The following SULF1 variants were observed in gnomAD, a reference collection of about 807,000 sequenced individuals.
SULF1 encodes sulfatase 1, also known as extracellular sulfatase Sulf-1.
A neutral mutation model predicts 110.5 loss-of-function variants in SULF1; 46 were observed. The observed-to-expected ratio is 0.42, with a 90% CI of 0.33 to 0.53. The LOEUF (loss-of-function observed/expected upper bound fraction) is 0.53. Among genes scored for constraint, SULF1 ranks in the 20% least tolerant of loss-of-function variants. The pLI is 0.12. For synonymous variants in SULF1, 371 were observed against 387.1 expected (o/e 0.96, Z 0.49); for missense variants, 941 against 1,094.2 (o/e 0.86, Z 1.98).
At chr8:69,629,742 G>T in intron 19 of SULF1, 63 bp downstream of exon 19, 1 of 1,384,196 alleles carries the variant, frequency 7.2e-7, no homozygotes, top group South Asian at 1.4e-5. Flanking sequence ...TCATAACTTA[G>T]ATCAGAAATT....
At chr8:69,580,744 T>C (rs1806006079) in intron 6 of SULF1, among the ~76,000 whole-genome samples, 1 of 152,160 alleles carries the variant, frequency 6.6e-6, no homozygotes, top group Admixed American at 6.5e-5. Flanking sequence ...AGGGACAATA[T>C]TTAATAGACA....
intron 22 of SULF1, among the ~76,000 whole-genome samples, chr8:69,645,740 C>T (rs569742407): frequency 2.6e-5 from 4 of 152,040 alleles, no homozygotes; most frequent in Non-Finnish European, 4.4e-5. Flanking sequence ...TCATCAGTTC[C>T]GTGACAGTGC....
chr8:69,585,059 T>C (rs1806351479), intron 6 of SULF1, among the ~76,000 whole-genome samples: 1 of 152,182 alleles, frequency 6.6e-6, no homozygotes, highest in Admixed American at 6.5e-5. Context: ...AAGCCAGGCA[T>C]TGGCTTTGAC....
intron 13 of SULF1, among the ~76,000 whole-genome samples, chr8:69,616,964 G>A (rs1015910739): frequency 1.3e-5 from 2 of 151,982 alleles, no homozygotes; most frequent in East Asian, 1.9e-4. Context: ...GCTTCTCTAG[G>A]CATTAAGCAG....
At chr8:69,560,936 A>G (rs1415446116) in intron 3 of SULF1, among the ~76,000 whole-genome samples, 1 of 152,222 alleles carries the variant, frequency 6.6e-6, no homozygotes, top group Admixed American at 6.5e-5. Flanking sequence ...CACTTAATGT[A>G]TATCGTTGTA....
chr8:69,600,205 CTCATTAGCAATAAAATTT>C (rs1807682255), intron 8 of SULF1, among the ~76,000 whole-genome samples: 1 of 151,918 alleles, frequency 6.6e-6, no homozygotes, highest in African/African-American at 2.4e-5. Flanking sequence ...ATTTAATAGC[CTCATTAGCAATAAAATTT>C]TTATGAGTTA....
intron 22 of SULF1, among the ~76,000 whole-genome samples, chr8:69,641,802 A>G (rs1040695560): frequency 2.0e-5 from 3 of 152,086 alleles, no homozygotes; most frequent in African/African-American, 7.2e-5. Flanking sequence ...CACAGCACCA[A>G]GACAACACAC....
intron 1 of SULF1, among the ~76,000 whole-genome samples, chr8:69,484,436 G>T (rs1018644796): frequency 2.6e-5 from 4 of 152,140 alleles, no homozygotes; most frequent in African/African-American, 9.7e-5. Context: ...AATACTTAAA[G>T]ACAGGACCTA....
chr8:69,603,238 G>C lies in SULF1; in HGVS notation c.1108G>C (p.Asp370His), dbSNP rs1038387567. The change falls in exon 11 of 23, where the codon GAT (aspartate) becomes CAT (histidine). Residue 370 changes from aspartate (D) to histidine (H), a missense_variant. By Grantham distance (81) the Asp-to-His change is moderately conservative (BLOSUM62 -1). Around this residue, in one of 3 missense-constraint regions of SULF1, gnomAD observed 822 missense variants for 934.3 expected, o/e 0.88. Transcript: ENST00000402687. ...LNIDLAPTILDIAGLDTPPDV... is the reference protein window; with the variant it reads ...LNIDLAPTILHIAGLDTPPDV... ...CATTGACTTGGCCCCCACGATCCTGGATATTGCTGGGCTCGACACACCTCC... is the reference window on the plus strand; with the variant it reads ...CATTGACTTGGCCCCCACGATCCTGCATATTGCTGGGCTCGACACACCTCC... The C allele has an allele frequency of 6.2e-7, 1 of 1,614,090 alleles. No homozygotes were observed. Among genetic ancestry groups the C allele is most frequent in the Admixed American group, 1.7e-5 (1 of 60,010 alleles).
Position 69,660,605 on chromosome 8 carries a change from G to A in SULF1, c.*2070G>A, listed in dbSNP as rs1813041461. The A allele has an allele frequency of 6.6e-6, 1 of 152,478 alleles. No homozygotes were observed. Among genetic ancestry groups the A allele is most frequent in the South Asian group, 2.1e-4 (1 of 4,814 alleles). The allele number at this position is 152,478 out of a possible 1,614,324, so 9.4% of individuals were successfully genotyped here. On this transcript the variant is annotated 3_prime_UTR_variant, in exon 23 of 23. Coordinates refer to ENST00000402687, the MANE Select transcript of SULF1 (RefSeq NM_001128205.2). ...AATTATGTTTTCTTTAAGTGTTTATGGTAAACTCTTTTAAAGAAAATTTAA... is the reference window on the plus strand; with the variant it reads ...AATTATGTTTTCTTTAAGTGTTTATAGTAAACTCTTTTAAAGAAAATTTAA...
Position 69,500,892 on chromosome 8 carries a change from G to A in SULF1, c.-228-982G>A, listed in dbSNP as rs936601196. Reference sequence around the variant, plus strand: ...TCCTGCAGCACCAGGCCAGCTCCAAGGAGGCACTGCTGCAGCAATCTTGTG... The same window carrying A: ...TCCTGCAGCACCAGGCCAGCTCCAAAGAGGCACTGCTGCAGCAATCTTGTG... On this transcript the variant is annotated intron_variant, in intron 2 of 22. Coordinates refer to ENST00000402687, the MANE Select transcript of SULF1 (RefSeq NM_001128205.2). Among the ~76,000 whole-genome samples, 4 of 152,118 alleles carry A rather than the reference G, an allele frequency of 2.6e-5. No homozygotes were observed. In the East Asian group the frequency reaches 7.7e-4, roughly 29 times the overall value.
At chr8:69,502,521 G>A (rs1443236687) in intron 3 of SULF1, among the ~76,000 whole-genome samples, 3 of 152,084 alleles carry the variant, frequency 2.0e-5, no homozygotes, top group Non-Finnish European at 4.4e-5. Context: ...GTTCATATGA[G>A]GGTACAACCT....
chr8:69,620,664 G>A (rs1475309843), intron 13 of SULF1, among the ~76,000 whole-genome samples: 1 of 152,218 alleles, frequency 6.6e-6, no homozygotes, highest in Non-Finnish European at 1.5e-5. Context: ...CAGAGCAAGA[G>A]GGGTCTGGTG....
chr8:69,569,656 C>G (rs954793101), intron 5 of SULF1, among the ~76,000 whole-genome samples: 1 of 152,170 alleles, frequency 6.6e-6, no homozygotes, highest in Non-Finnish European at 1.5e-5. Flanking sequence ...TTTTCTTATA[C>G]CTGGCTGCCT....
intron 3 of SULF1, among the ~76,000 whole-genome samples, chr8:69,545,031 T>C (rs762550726): frequency 6.6e-6 from 1 of 151,880 alleles, no homozygotes; most frequent in Non-Finnish European, 1.5e-5. Context: ...GAGCAATTCA[T>C]GGCATAATAA....
intron 1 of SULF1, among the ~76,000 whole-genome samples, chr8:69,495,055 A>G (rs1304812929): frequency 1.3e-5 from 2 of 152,108 alleles, no homozygotes; most frequent in Admixed American, 1.3e-4. Context: ...AACTTTTATA[A>G]TATTAGTTTT....
At chr8:69,595,928 C>T (rs535118168) in intron 8 of SULF1, among the ~76,000 whole-genome samples, 1 of 152,160 alleles carries the variant, frequency 6.6e-6, no homozygotes, top group Admixed American at 6.5e-5. Flanking sequence ...GAAATACCCA[C>T]CTGTCAAAAA....
intron 22 of SULF1, among the ~76,000 whole-genome samples, chr8:69,648,651 A>G (rs1205152514): frequency 6.6e-6 from 1 of 152,210 alleles, no homozygotes; most frequent in Non-Finnish European, 1.5e-5. Context: ...TGGCTGGTAC[A>G]GAGGTGATGT....
chr8:69,532,733 G>T (rs1813173311), intron 3 of SULF1, among the ~76,000 whole-genome samples: 1 of 152,078 alleles, frequency 6.6e-6, no homozygotes, highest in South Asian at 2.1e-4. Context: ...ACTTTATTAG[G>T]TTTATGATTG....
Sources: allele counts gnomAD v4.1 joint callset (sites outside exome capture counted in the v4.1 genomes callset), GRCh38; gene constraint gnomAD v4.1.1; regional missense constraint gnomAD v4.1.1; transcripts MANE v1.5; gene names NCBI Gene and HGNC (gene_info 2026-07-23, HGNC 2026-07-21).